The following VGLL4 variants were observed in gnomAD, a reference collection of about 807,000 sequenced individuals.
VGLL4 encodes the protein vestigial like family member 4.
In VGLL4, 7 loss-of-function variants were observed where a neutral mutation model predicts 21.0. The observed-to-expected ratio is 0.33, with a 90% CI of 0.19 to 0.63. The LOEUF is 0.63. VGLL4 is among the 20% of genes least tolerant of loss of function. The pLI is 0.78. For synonymous variants in VGLL4, 222 were observed against 173.2 expected, an observed-to-expected ratio of 1.28 and a Z score of -2.21; for missense variants, 394 against 425.7, an observed-to-expected ratio of 0.93 and a Z score of 0.66.
rs188006801 is a variant in VGLL4, at chr3:11,693,754, C to T, written c.64+9217G>A. The stretch of plus-strand genomic sequence containing the variant: ...GGATGAAGGACTGTCCCCGAGCACA[C>T]GCTACCACACGTCCTGAACGTACGG... On this transcript the variant is annotated intron_variant, in intron 2 of 5. Coordinates refer to the VGLL4 transcript ENST00000273038. 4.2e-3 allele frequency among the ~76,000 whole-genome samples: 641 copies of T among 152,282 alleles called. 2 individuals carry two copies. The highest frequency in any genetic ancestry group is 5.8e-3 in the Non-Finnish European group (396 of 68,024).
chr3:11,584,518 C>T (rs1206839399), intron 2 of VGLL4, among the ~76,000 whole-genome samples: 2 of 152,218 alleles, frequency 1.3e-5, no homozygotes, highest in Non-Finnish European at 2.9e-5. Flanking sequence ...GCTGGCAGAA[C>T]ACACCAGCGA....
rs374350052 is a variant in VGLL4, at chr3:11,713,007, G to A, written c.-14+7387C>T. On this transcript the variant is annotated intron_variant, in intron 1 of 5. Coordinates refer to the VGLL4 transcript ENST00000273038. Reference sequence around the variant, plus strand: ...GAGACTGTGGCCAACAATGACACCGGCAACAAACTACCAAGACATAGCGAT... The same window carrying A: ...GAGACTGTGGCCAACAATGACACCGACAACAAACTACCAAGACATAGCGAT... 2.0e-4 allele frequency among the ~76,000 whole-genome samples: 31 copies of A among 152,254 alleles called. 1 individual carries two copies. The East Asian group carries it at 3.9e-3, about 19-fold the overall frequency.
chr3:11,709,329 C>T (rs529070910), intron 1 of VGLL4, among the ~76,000 whole-genome samples: 6 of 149,392 alleles, frequency 4.0e-5, no homozygotes, highest in African/African-American at 9.9e-5. Context: ...CCCAGCTACT[C>T]GGGAGGCTGA....
At chr3:11,651,753 T>TAA (rs764009114) in intron 2 of VGLL4, among the ~76,000 whole-genome samples, 1 of 144,792 alleles carries the variant, frequency 6.9e-6, no homozygotes. Context: ...GTAGCTGATT[T>TAA]AAAAAAAAAA....
In VGLL4 at chr3:11,558,457, C is replaced by G; in HGVS notation, c.*99G>C. ...GCAAATAAACCATCCCTTCCCTTCC[C>G]CCCACCCCACCCCCATGATTTTTTT... On this transcript the variant is annotated 3_prime_UTR_variant, in exon 5 of 5. Transcript: ENST00000430365. 1.0e-6 allele frequency: 1 copy of G among 1,000,192 alleles called. No individual in the cohort carries two copies. Among genetic ancestry groups the G allele is most frequent in the South Asian group, 1.5e-5 (1 of 66,588 alleles). The allele number at this position is 1,000,192 out of a possible 1,614,324, so 62.0% of individuals were successfully genotyped here. A position where few individuals can be genotyped will look rare whatever the true frequency, so the allele number is the denominator to read the frequency against.
chr3:11,654,359 C>A (rs1475857083), intron 2 of VGLL4, among the ~76,000 whole-genome samples: 1 of 152,138 alleles, frequency 6.6e-6, no homozygotes, highest in Non-Finnish European at 1.5e-5. Context: ...GTTCTCGCGA[C>A]AATGCGGAGA....
chr3:11,626,288 A>G (rs1400106258), intron 1 of VGLL4: 1 of 448,500 alleles, frequency 2.2e-6, no homozygotes, highest in South Asian at 1.6e-5. Flanking sequence ...ACTCAAAGAC[A>G]CAACCTTTCC....
At chr3:11,595,229 C>T (rs1338782680) in intron 2 of VGLL4, among the ~76,000 whole-genome samples, 2 of 152,134 alleles carry the variant, frequency 1.3e-5, no homozygotes, top group Non-Finnish European at 2.9e-5. Context: ...AGTAGGCTAT[C>T]GCACATGTAA....
At chr3:11,677,292 G>A (rs1270217874) in intron 2 of VGLL4, among the ~76,000 whole-genome samples, 1 of 138,802 alleles carries the variant, frequency 7.2e-6, no homozygotes, top group African/African-American at 2.7e-5. Context: ...TTTTTTTTTT[G>A]ACAGGGTCTC....
chr3:11,668,409 GC>G (rs2076157893), intron 2 of VGLL4, among the ~76,000 whole-genome samples: 1 of 152,060 alleles, frequency 6.6e-6, no homozygotes, highest in African/African-American at 2.4e-5. Context: ...TACTAAAAGT[GC>G]AGCCACCTAC....
chr3:11,637,307 G>A (rs900820620), intron 1 of VGLL4, among the ~76,000 whole-genome samples: 2 of 152,090 alleles, frequency 1.3e-5, no homozygotes, highest in African/African-American at 4.8e-5. Context: ...CATGTTGAGA[G>A]ATCGATCCCT....
At chr3:11,578,104 A>G (rs897085737) in intron 2 of VGLL4, among the ~76,000 whole-genome samples, 4 of 152,212 alleles carry the variant, frequency 2.6e-5, no homozygotes, top group African/African-American at 9.7e-5. Flanking sequence ...ACAGTCTAAT[A>G]AAAACTAACC....
intron 1 of VGLL4, among the ~76,000 whole-genome samples, chr3:11,711,208 C>T (rs891433592): frequency 1.3e-5 from 2 of 151,942 alleles, no homozygotes; most frequent in Non-Finnish European, 2.9e-5. Context: ...AGTTTGAGAC[C>T]AGCCTGGGCA....
chr3:11,661,228 A>G (rs995219968), intron 2 of VGLL4, among the ~76,000 whole-genome samples: 1 of 152,124 alleles, frequency 6.6e-6, no homozygotes, highest in Non-Finnish European at 1.5e-5. Flanking sequence ...CCCAGTCACA[A>G]CCACTCAGCA....
At chr3:11,634,927 C>T (rs1195899765) in intron 1 of VGLL4, among the ~76,000 whole-genome samples, 4 of 152,318 alleles carry the variant, frequency 2.6e-5, no homozygotes, top group Non-Finnish European at 5.9e-5. Flanking sequence ...CTGCCTCAGT[C>T]TCCCAAAGTG....
intron 2 of VGLL4, among the ~76,000 whole-genome samples, chr3:11,663,333 G>A (rs6765768): frequency 0.52 from 78,841 of 152,036 alleles, 22,061 homozygotes; most frequent in Non-Finnish European, 0.62. Flanking sequence ...ATAAGTTGGC[G>A]TTTAAAGCTA....
chr3:11,571,643 G>C (rs1301746550), intron 2 of VGLL4, among the ~76,000 whole-genome samples: 4 of 152,174 alleles, frequency 2.6e-5, no homozygotes, highest in Non-Finnish European at 5.9e-5. Flanking sequence ...CTCCAGCCTG[G>C]GCAACAGGGT....
intron 2 of VGLL4, among the ~76,000 whole-genome samples, chr3:11,575,073 C>T (rs938571392): frequency 1.3e-5 from 2 of 152,166 alleles, no homozygotes; most frequent in African/African-American, 4.8e-5. Context: ...ACCCCCCATT[C>T]CCACTTTACA....
chr3:11,559,251 G>A, intron 4 of VGLL4, 81 bp downstream of exon 4: 3 of 1,457,658 alleles, frequency 2.1e-6, no homozygotes, highest in Non-Finnish European at 1.8e-6. Flanking sequence ...GGGGCGAGAG[G>A]TTTCAGCCAA....
Sources: gnomAD v4.1 joint callset for allele counts (sites outside exome capture counted in the v4.1 genomes callset) on GRCh38, gnomAD v4.1.1 for gene constraint, MANE v1.5 for transcripts, NCBI Gene and HGNC (gene_info 2026-07-23, HGNC 2026-07-21) for gene names.